Variants in MGAT4C observed in about 807,000 individuals in gnomAD.
The protein encoded by MGAT4C is MGAT4 family member C.
A neutral mutation model predicts 40.1 loss-of-function variants in MGAT4C; 19 were observed. That is an observed-to-expected ratio of 0.47 (90% CI 0.33 to 0.70). The LOEUF (loss-of-function observed/expected upper bound fraction) is 0.70. Among genes scored for constraint, MGAT4C ranks in the 30% least tolerant of loss-of-function variants. The probability of loss-of-function intolerance (pLI) is 0.02; values close to 1 mark genes in which losing one functional copy is unlikely to be tolerated. For missense variants in MGAT4C, 491 were observed against 563.2 expected (o/e 0.87, Z 1.30); for synonymous variants, 181 against 187.1 (o/e 0.97, Z 0.27).
chr12:86,671,674 T>G (rs1964260062), intron 2 of MGAT4C, among the ~76,000 whole-genome samples: 10 of 152,114 alleles, frequency 6.6e-5, no homozygotes, highest in Admixed American at 5.9e-4. Context: ...ACAAAACACC[T>G]TTCATGACAA....
chr12:86,055,089 A>T (rs934598059), intron 1 of MGAT4C, among the ~76,000 whole-genome samples: 11 of 151,970 alleles, frequency 7.2e-5, no homozygotes, highest in African/African-American at 2.7e-4. Context: ...CACACTGTTG[A>T]CAAGCAGTAA....
At chr12:86,125,539 A>G (rs1032146118) in intron 1 of MGAT4C, among the ~76,000 whole-genome samples, 1 of 152,196 alleles carries the variant, frequency 6.6e-6, no homozygotes, top group African/African-American at 2.4e-5. Flanking sequence ...AACAAAGATG[A>G]AAATAAACAA....
intron 2 of MGAT4C, among the ~76,000 whole-genome samples, chr12:86,009,628 T>G (rs1177019274): frequency 6.6e-6 from 1 of 152,176 alleles, no homozygotes; most frequent in East Asian, 1.9e-4. Flanking sequence ...TCTGCCTCTT[T>G]TATAATGTCT....
At chr12:86,400,460 C>T (rs899356380) in intron 3 of MGAT4C, among the ~76,000 whole-genome samples, 4 of 152,082 alleles carry the variant, frequency 2.6e-5, no homozygotes, top group South Asian at 2.1e-4. Context: ...AAGAGGTAGA[C>T]GATTTTCTTC....
intron 1 of MGAT4C, among the ~76,000 whole-genome samples, chr12:86,778,286 A>G (rs2136178855): frequency 6.6e-6 from 1 of 152,314 alleles, no homozygotes; most frequent in East Asian, 1.9e-4. Context: ...GAAAACTGAG[A>G]TAACAAAAAA....
intron 1 of MGAT4C, among the ~76,000 whole-genome samples, chr12:86,198,429 C>A (rs140091807): frequency 6.6e-6 from 1 of 152,050 alleles, no homozygotes; most frequent in Admixed American, 6.6e-5. Flanking sequence ...TTTTAGTAAC[C>A]TCTACAGTTA....
At position 86,814,814 on chromosome 12, in the gene MGAT4C, G is replaced by A. The variant is rs531583668; in HGVS notation, c.-262+23852C>T. On this transcript the variant is annotated intron_variant, in intron 1 of 7. Coordinates refer to the MGAT4C transcript ENST00000548651. ...ACCATTTGAAGAACAGAGAAAATGT[G>A]GCCTCTATGAACCAGGAAATAAGCC... 1.3e-3 allele frequency among the ~76,000 whole-genome samples: 196 copies of A among 152,040 alleles called. 1 individual carries two copies. The highest frequency in any genetic ancestry group is 4.5e-3 in the African/African-American group (186 of 41,514).
chr12:86,579,242 C>T (rs1220828794), intron 2 of MGAT4C, among the ~76,000 whole-genome samples: 2 of 151,346 alleles, frequency 1.3e-5, no homozygotes, highest in Non-Finnish European at 3.0e-5. Context: ...TCTTTTCTTC[C>T]TGTCTTCCTC....
At chr12:86,342,721 G>A (rs1021923467) in intron 3 of MGAT4C, among the ~76,000 whole-genome samples, 2 of 152,110 alleles carry the variant, frequency 1.3e-5, no homozygotes, top group African/African-American at 4.8e-5. Context: ...TTACAGGCGT[G>A]AGCCACTGCT....
intron 2 of MGAT4C, among the ~76,000 whole-genome samples, chr12:86,497,806 A>T (rs1958264973): frequency 6.7e-6 from 1 of 150,120 alleles, no homozygotes; most frequent in Non-Finnish European, 1.5e-5. Context: ...TTCACCTTCA[A>T]TTGCTATAGC....
intron 1 of MGAT4C, among the ~76,000 whole-genome samples, chr12:86,142,026 G>A (rs1436558497): frequency 2.0e-5 from 3 of 152,078 alleles, no homozygotes; most frequent in Admixed American, 6.6e-5. Context: ...ACTAATATGA[G>A]GAAACAGTAA....
At chr12:86,278,409 C>T (rs1264160758) in intron 4 of MGAT4C, among the ~76,000 whole-genome samples, 1 of 151,990 alleles carries the variant, frequency 6.6e-6, no homozygotes, top group East Asian at 1.9e-4. Context: ...GAACTCCTGA[C>T]CTCAGGTGAT....
intron 1 of MGAT4C, among the ~76,000 whole-genome samples, chr12:86,246,594 G>GT (rs1441569131): frequency 1.3e-5 from 2 of 152,082 alleles, no homozygotes; most frequent in Admixed American, 1.3e-4. Flanking sequence ...GTAGCTATAT[G>GT]TTCTATAAAC....
intron 1 of MGAT4C, among the ~76,000 whole-genome samples, chr12:86,807,317 C>A (rs1952375685): frequency 6.6e-6 from 1 of 152,018 alleles, no homozygotes; most frequent in East Asian, 1.9e-4. Flanking sequence ...TGCTGCGCCC[C>A]AGTGTGTGTC....
At chr12:86,701,389 T>C (rs1950361746) in intron 2 of MGAT4C, among the ~76,000 whole-genome samples, 1 of 152,166 alleles carries the variant, frequency 6.6e-6, no homozygotes, top group African/African-American at 2.4e-5. Context: ...ATATCTGTTA[T>C]GGTGATCTCT....
chr12:86,238,740 T>G (rs1035748436), intron 1 of MGAT4C, among the ~76,000 whole-genome samples: 1 of 152,006 alleles, frequency 6.6e-6, no homozygotes, highest in Non-Finnish European at 1.5e-5. Flanking sequence ...AGAGGTGATG[T>G]GATTTAATGA....
intron 2 of MGAT4C, among the ~76,000 whole-genome samples, chr12:86,542,596 G>A (rs758771605): frequency 2.6e-5 from 4 of 152,230 alleles, no homozygotes; most frequent in Non-Finnish European, 1.5e-5. Context: ...AGTACCTTGA[G>A]AGTAGTGGCC....
intron 1 of MGAT4C, chr12:86,745,243 G>A (rs901489332): frequency 6.6e-6 from 1 of 151,450 alleles, no homozygotes; most frequent in Non-Finnish European, 1.5e-5. Flanking sequence ...TGATATGGAA[G>A]GTCTGGAATA....
chr12:86,733,033 A>G (rs543787884), intron 1 of MGAT4C, among the ~76,000 whole-genome samples: 13 of 152,234 alleles, frequency 8.5e-5, no homozygotes, highest in African/African-American at 2.9e-4. Flanking sequence ...CTGACATAAT[A>G]GACGAAGATT....
Sources: gnomAD v4.1 joint callset for allele counts (sites outside exome capture counted in the v4.1 genomes callset) on GRCh38, gnomAD v4.1.1 for gene constraint, MANE v1.5 for transcripts, NCBI Gene and HGNC (gene_info 2026-07-23, HGNC 2026-07-21) for gene names.